Variants in THUMPD1 observed in about 807,000 individuals in gnomAD.
The protein encoded by THUMPD1 is THUMP domain-containing protein 1.
In THUMPD1, 31 loss-of-function variants were observed where a neutral mutation model predicts 31.6. That is an observed-to-expected ratio of 0.98 (90% CI 0.74 to 1.32). The LOEUF (loss-of-function observed/expected upper bound fraction) is 1.32, where lower values mean the gene tolerates loss of function less well. THUMPD1 is among the 40% of genes most tolerant of loss of function. The pLI, the probability that THUMPD1 is intolerant of heterozygous loss-of-function variation, is 0.00. For synonymous variants in THUMPD1, 166 were observed against 158.2 expected, an observed-to-expected ratio of 1.05 and a Z score of -0.37; for missense variants, 446 against 427.8, an observed-to-expected ratio of 1.04 and a Z score of -0.38.
chr16:20,737,585 A>G (rs1272621985), intron 3 of THUMPD1, 123 bp downstream of exon 3: 4 of 1,005,016 alleles, frequency 4.0e-6, no homozygotes, highest in Non-Finnish European at 5.6e-6. Context: ...TATTTTAAGA[A>G]CATTTTAATA....
chr16:20,737,963 A>G lies in THUMPD1; in HGVS notation c.407-7T>C, dbSNP rs1384832154. 9 of 1,259,630 alleles carry G rather than the reference A, an allele frequency of 7.1e-6. No individual in the cohort carries two copies. Among genetic ancestry groups the G allele is most frequent in the Non-Finnish European group, 9.7e-6 (9 of 928,350 alleles). 78.0% of individuals were successfully genotyped at this position (1,259,630 alleles called of 1,614,324 possible). On this transcript the variant is annotated splice_polypyrimidine_tract_variant and splice_region_variant and intron_variant, in intron 2 of 3. Transcript: ENST00000396083. Reference sequence around the variant, plus strand: ...TGCACCAATTTCTCAGGCTCTTAAGAAAAAAAAAAAGTTAAGAAGATAATT... The same window carrying G: ...TGCACCAATTTCTCAGGCTCTTAAGGAAAAAAAAAAGTTAAGAAGATAATT...
At position 20,737,756 on chromosome 16, in the gene THUMPD1, G is replaced by C; in HGVS notation, c.607C>G (p.Arg203Gly). 1 of 1,613,416 alleles carries C rather than the reference G, an allele frequency of 6.2e-7. No homozygotes were observed. The highest frequency in any genetic ancestry group is 8.5e-7 in the Non-Finnish European group (1 of 1,179,738). ...KGTFQIVYKS[R>G]NNSHVNREEV... Reference sequence around the variant, plus strand: ...TCTCTATTCACATGACTGTTATTTCGAGATTTGTACACAATCTGAAATGTC... The same window carrying C: ...TCTCTATTCACATGACTGTTATTTCCAGATTTGTACACAATCTGAAATGTC... Residue 203 changes from arginine to glycine, a missense_variant, in exon 3 of 4, where the codon CGA becomes GGA. Transcript: ENST00000396083.
Position 20,737,162 on chromosome 16 carries a change from T to G in THUMPD1, c.780A>C (p.Arg260Ser). The change falls in exon 4 of 4, where the codon AGA becomes AGC. Residue 260 changes from arginine to serine, a missense_variant. Coordinates refer to ENST00000396083, the MANE Select transcript of THUMPD1 (RefSeq NM_017736.5). ...TCACCACCTCCTGGAGATTGTATTT[T>G]CTAAACAACATGTAATCTTTCACAA... ...LSVVKDYMLF[R>S]KYNLQEVVKS... The G allele has an allele frequency of 6.2e-7, 1 of 1,614,216 alleles. No homozygotes were observed. The highest frequency in any genetic ancestry group is 8.5e-7 in the Non-Finnish European group (1 of 1,180,030).
rs374026354 is a variant in THUMPD1 at position 20,739,544 on chromosome 16, G to C, written c.232-473C>G. Reference sequence around the variant, plus strand: ...CCCTTCAAAACGTGGAGCAAGGCCGGAAGTGGTGGCTCATGCCCATAATCC... The same window carrying C: ...CCCTTCAAAACGTGGAGCAAGGCCGCAAGTGGTGGCTCATGCCCATAATCC... On this transcript the variant is annotated intron_variant, in intron 1 of 3. Coordinates refer to ENST00000396083, the MANE Select transcript of THUMPD1 (RefSeq NM_017736.5). Among the ~76,000 whole-genome samples, 139 of 152,226 alleles carry C rather than the reference G, an allele frequency of 9.1e-4. 4 individuals are homozygous for C. In the South Asian group the frequency reaches 0.028, roughly 31 times the overall value.
rs1430954456 is a variant in THUMPD1 at position 20,741,607 on chromosome 16, C to T, written c.133G>A (p.Gly45Ser). 2.5e-6 allele frequency: 4 copies of T among 1,574,186 alleles called. No individual in the cohort carries two copies. In the South Asian group the frequency reaches 4.6e-5, roughly 18 times the overall value. Residue 45 changes from glycine to serine, a missense_variant, in exon 1 of 4, where the codon GGC becomes AGC. Transcript: ENST00000396083. The stretch of plus-strand genomic sequence containing the variant: ...TTCATATTGCAGGTGATGAGGATGC[C>T]CTGTAGCCCGGGCTCTAGCTGACGG... ...GPRQLEPGLQGILITCNMNER... is the reference protein window; with the variant it reads ...GPRQLEPGLQSILITCNMNER...
chr16:20,739,348 G>T (rs1046944962), intron 1 of THUMPD1, among the ~76,000 whole-genome samples: 1 of 151,758 alleles, frequency 6.6e-6, no homozygotes, highest in African/African-American at 2.4e-5. Context: ...GCTAATTTTT[G>T]TATTTTTAGT....
chr16:20,737,291 A>G lies in THUMPD1; in HGVS notation c.656-5T>C, dbSNP rs1050001142. 3 of 1,598,890 alleles carry G rather than the reference A, an allele frequency of 1.9e-6. No individual in the cohort carries two copies. Among genetic ancestry groups the G allele is most frequent in the Non-Finnish European group, 2.6e-6 (3 of 1,172,188 alleles). On this transcript the variant is annotated splice_region_variant and splice_polypyrimidine_tract_variant and intron_variant, in intron 3 of 3. Transcript: ENST00000396083. ...AATTGAGGGTGCACACTATTCCTGT[A>G]ACAAAAACAGAAAAACACATAGCTG...
Position 20,737,125 on chromosome 16 carries a change from C to G in THUMPD1, c.817G>C (p.Asp273His), listed in dbSNP as rs748647562. 5.0e-6 allele frequency: 8 copies of G among 1,614,206 alleles called. No homozygotes were observed. The highest frequency in any genetic ancestry group is 6.8e-6 in the Non-Finnish European group (8 of 1,180,040). The change falls in exon 4 of 4, where the codon GAT (aspartate) becomes CAT (histidine). Residue 273 changes from aspartate to histidine, a missense_variant. By Grantham distance (81) the Asp-to-His change is moderately conservative. Transcript: ENST00000396083. ...NLQEVVKSPKDPSQLNSKQGN... is the reference protein window; with the variant it reads ...NLQEVVKSPKHPSQLNSKQGN... ...TGCTTTGAGTTAAGCTGTGACGGAT[C>G]CTTAGGGCTCTTCACCACCTCCTGG... is the stretch of plus-strand genomic sequence containing the variant.
In THUMPD1 at chr16:20,736,964, C is replaced by T; in HGVS notation, c.978G>A (p.Gln326=). Residue 326 remains glutamine (Q), a synonymous_variant, in exon 4 of 4, where the codon CAG becomes CAA. Transcript: ENST00000396083. The stretch of plus-strand genomic sequence containing the variant: ...GTTTGGCTCCTCCCTCATTTACCAC[C>T]TGTGGATTAGACGTTGGTTTTGTCT... The part of the protein sequence containing the change: ...LGQTKPTSNP[Q]VVNEGGAKPE... The T allele has an allele frequency of 1.2e-6, 2 of 1,614,130 alleles. No homozygotes were observed. Among genetic ancestry groups the T allele is most frequent in the Non-Finnish European group, 1.7e-6 (2 of 1,180,012 alleles).
chr16:20,737,834 T>C lies in THUMPD1; in HGVS notation c.529A>G (p.Lys177Glu). 6.2e-7 allele frequency: 1 copy of C among 1,613,968 alleles called. No homozygotes were observed. The highest frequency in any genetic ancestry group is 1.1e-5 in the South Asian group (1 of 91,078). The change falls in exon 3 of 4, where the codon AAA (lysine) becomes GAA (glutamate). Residue 177 changes from lysine (K) to glutamate (E), a missense_variant. Coordinates refer to ENST00000396083, the MANE Select transcript of THUMPD1 (RefSeq NM_017736.5). ...TCCAAAAATGTTTCTGCATATTTTTTCATATCTTCTAAAAAAGCCTTGCAT... is the reference window on the plus strand; with the variant it reads ...TCCAAAAATGTTTCTGCATATTTTTCCATATCTTCTAAAAAAGCCTTGCAT... ...GTCKAFLEDM[K>E]KYAETFLEPW...
In THUMPD1 at chr16:20,741,630, C is replaced by G; in HGVS notation, c.110G>C (p.Arg37Pro). The change falls in exon 1 of 4, where the codon CGT becomes CCT. Residue 37 changes from arginine to proline, a missense_variant. By Grantham distance (103) the Arg-to-Pro change is moderately radical. Transcript: ENST00000396083. The stretch of plus-strand genomic sequence containing the variant: ...GCCCTGTAGCCCGGGCTCTAGCTGA[C>G]GGGGCCCGCCAGCGTCGCAGCGCCG... The part of the protein sequence containing the change: ...RARRCDAGGP[R>P]QLEPGLQGIL... 1 of 1,573,610 alleles carries G rather than the reference C, an allele frequency of 6.4e-7. No individual in the cohort carries two copies. The highest frequency in any genetic ancestry group is 8.6e-7 in the Non-Finnish European group (1 of 1,159,368).
intron 1 of THUMPD1, 103 bp from the exon 2 acceptor site, chr16:20,739,174 TG>T (rs2079896354): frequency 1.7e-6 from 2 of 1,157,390 alleles, no homozygotes; most frequent in South Asian, 1.6e-5. Flanking sequence ...GGCTCAGTAT[TG>T]ATTTTTTTTT....
At position 20,735,027 on chromosome 16, in the gene THUMPD1, G is replaced by A. The variant is rs1485655096; in HGVS notation, c.*1853C>T. Reference sequence around the variant, plus strand: ...GAGAGTTGCACCCTTTATTTTCAAGGCCAAGTGGCTGCAGAAACATTTCAA... The same window carrying A: ...GAGAGTTGCACCCTTTATTTTCAAGACCAAGTGGCTGCAGAAACATTTCAA... On this transcript the variant is annotated 3_prime_UTR_variant, in exon 4 of 4. Transcript: ENST00000396083. The A allele has an allele frequency of 6.6e-6, 1 of 152,204 alleles. No individual in the cohort carries two copies. The highest frequency in any genetic ancestry group is 1.9e-4 in the East Asian group (1 of 5,202). 9.4% of individuals were successfully genotyped at this position (152,204 alleles called of 1,614,324 possible).
At position 20,738,985 on chromosome 16, in the gene THUMPD1, A is replaced by C. The variant is rs1384097461; in HGVS notation, c.318T>G (p.Ile106Met). The stretch of plus-strand genomic sequence containing the variant: ...TTAACCTCATCTCTGTAGATGCCTT[A>C]ATGTCACCAACTTCTTTCTTCAAGG... ...EAALKKEVGD[I>M]KASTEMRLRR... Residue 106 changes from isoleucine to methionine, a missense_variant, in exon 2 of 4, where the codon ATT (isoleucine) becomes ATG (methionine). Transcript: ENST00000396083. The C allele has an allele frequency of 6.2e-7, 1 of 1,614,060 alleles. No individual in the cohort carries two copies. The highest frequency in any genetic ancestry group is 1.7e-5 in the Admixed American group (1 of 60,006).
At chr16:20,738,816 C>A in intron 2 of THUMPD1, 81 bp downstream of exon 2, 1 of 1,512,874 alleles carries the variant, frequency 6.6e-7, no homozygotes, top group Non-Finnish European at 9.0e-7. Context: ...CCCAAGAAGC[C>A]ATTTTGTAAG....
In THUMPD1 at chr16:20,735,105, G is replaced by A. The variant is rs1357528171; in HGVS notation, c.*1775C>T. The A allele has an allele frequency of 1.3e-5, 2 of 152,190 alleles. No homozygotes were observed. The highest frequency in any genetic ancestry group is 4.8e-5 in the African/African-American group (2 of 41,440). 9.4% of individuals were successfully genotyped at this position (152,190 alleles called of 1,614,324 possible). A position where few individuals can be genotyped will look rare whatever the true frequency, so the allele number is the denominator to read the frequency against. Reference sequence around the variant, plus strand: ...GTTTCCTTTTAGATCTAAGAGTCTTGTCGCTTTAAGAAAAATTTTTTTCCC... The same window carrying A: ...GTTTCCTTTTAGATCTAAGAGTCTTATCGCTTTAAGAAAAATTTTTTTCCC... On this transcript the variant is annotated 3_prime_UTR_variant, in exon 4 of 4. Transcript: ENST00000396083.
intron 1 of THUMPD1, among the ~76,000 whole-genome samples, chr16:20,740,348 C>T (rs2079906182): frequency 2.6e-5 from 4 of 152,232 alleles, no homozygotes; most frequent in African/African-American, 2.4e-5. Flanking sequence ...TGAGCAAGAG[C>T]ATGCCACTGT....
At position 20,735,920 on chromosome 16, in the gene THUMPD1, A is replaced by G. The variant is rs1476301070; in HGVS notation, c.*960T>C. On this transcript the variant is annotated 3_prime_UTR_variant, in exon 4 of 4. Coordinates refer to ENST00000396083, the MANE Select transcript of THUMPD1 (RefSeq NM_017736.5). ...TAATGTTATTAGATTCTCACCAACCATGCATATTTTCCTTTCCTGAGATAA... is the reference window on the plus strand; with the variant it reads ...TAATGTTATTAGATTCTCACCAACCGTGCATATTTTCCTTTCCTGAGATAA... 2 of 152,088 alleles carry G rather than the reference A, an allele frequency of 1.3e-5. No individual in the cohort carries two copies. The highest frequency in any genetic ancestry group is 2.9e-5 in the Non-Finnish European group (2 of 68,046). The allele number at this position is 152,088 out of a possible 1,614,324, so 9.4% of individuals were successfully genotyped here.
rs1019589904 is a variant in THUMPD1 at position 20,735,713 on chromosome 16, A to C, written c.*1167T>G. On this transcript the variant is annotated 3_prime_UTR_variant, in exon 4 of 4. Coordinates refer to ENST00000396083, the MANE Select transcript of THUMPD1 (RefSeq NM_017736.5). ...TTGAATTTCATCATTTACAAATCTT[A>C]CAAATGCTACAGCATGACAAATATT... is the stretch of plus-strand genomic sequence containing the variant. The C allele has an allele frequency of 6.6e-6, 1 of 152,154 alleles. No homozygotes were observed. Among genetic ancestry groups the C allele is most frequent in the Non-Finnish European group, 1.5e-5 (1 of 68,032 alleles). 9.4% of individuals were successfully genotyped at this position (152,154 alleles called of 1,614,324 possible).
Sources: gnomAD v4.1 joint callset for allele counts (sites outside exome capture counted in the v4.1 genomes callset) on GRCh38, gnomAD v4.1.1 for gene constraint, MANE v1.5 for transcripts, NCBI Gene and HGNC (gene_info 2026-07-23, HGNC 2026-07-21) for gene names.